TMEM266: variants seen among roughly 807,000 people sequenced by gnomAD.
TMEM266 encodes the protein Hv1 related protein 1.
TMEM266 carries 33 observed loss-of-function variants against 50.5 expected under a neutral mutation model. That is an observed-to-expected ratio of 0.65 (90% confidence interval 0.50 to 0.87). The LOEUF is 0.87. TMEM266 is among the 40% of genes least tolerant of loss of function. The probability of loss-of-function intolerance (pLI) is 0.00; values close to 1 mark genes in which losing one functional copy is unlikely to be tolerated. For synonymous variants in TMEM266, 310 were observed against 292.3 expected (o/e 1.06, Z -0.62); for missense variants, 655 against 695.1 (o/e 0.94, Z 0.65).
At chr15:76,173,874 A>C (rs905165698) in intron 7 of TMEM266, among the ~76,000 whole-genome samples, 3 of 151,656 alleles carry the variant, frequency 2.0e-5, no homozygotes, top group Admixed American at 6.6e-5. Context: ...TAGGGGTTGC[A>C]GTGAGCTGAG....
intron 5 of TMEM266, among the ~76,000 whole-genome samples, chr15:76,164,653 T>C (rs2038065797): frequency 6.6e-6 from 1 of 152,226 alleles, no homozygotes; most frequent in African/African-American, 2.4e-5. Context: ...AGGGAAAATT[T>C]GTCCAAGAGC....
At chr15:76,064,332 C>T (rs923554306) in intron 1 of TMEM266, among the ~76,000 whole-genome samples, 2 of 152,204 alleles carry the variant, frequency 1.3e-5, no homozygotes, top group Non-Finnish European at 2.9e-5. Context: ...CCCCATGTGT[C>T]TGAGAAGCAT....
intron 1 of TMEM266, among the ~76,000 whole-genome samples, chr15:76,130,235 AAAAAAAAAAAAAAAAAAAAC>A (rs1371888382): frequency 3.0e-5 from 4 of 131,816 alleles, no homozygotes; most frequent in South Asian, 3.0e-4. Context: ...AAAAAAAAAA[AAAAAAAAAAAAAAAAAAAAC>A]CGCCGGGTGC....
intron 1 of TMEM266, among the ~76,000 whole-genome samples, chr15:76,124,057 A>G (rs1419858327): frequency 6.6e-6 from 1 of 152,198 alleles, no homozygotes; most frequent in Non-Finnish European, 1.5e-5. Context: ...TAGCACCCCT[A>G]ACTCCCTTGG....
chr15:76,140,510 T>G (rs546694476), intron 3 of TMEM266, among the ~76,000 whole-genome samples: 1 of 152,216 alleles, frequency 6.6e-6, no homozygotes, highest in African/African-American at 2.4e-5. Flanking sequence ...TGTATAGGAA[T>G]GAACCTTTTC....
chr15:76,106,219 C>G (rs1157495661), intron 1 of TMEM266, among the ~76,000 whole-genome samples: 1 of 152,064 alleles, frequency 6.6e-6, no homozygotes, highest in Non-Finnish European at 1.5e-5. Context: ...GTGGGAGAAT[C>G]AAAGATCCGC....
intron 8 of TMEM266, among the ~76,000 whole-genome samples, chr15:76,190,488 G>A (rs2038551714): frequency 6.6e-6 from 1 of 152,100 alleles, no homozygotes; most frequent in South Asian, 2.1e-4. Context: ...CCTGAGTCCT[G>A]TTGGAGTGAT....
chr15:76,184,468 C>G (rs1379892499), intron 8 of TMEM266, among the ~76,000 whole-genome samples: 1 of 152,226 alleles, frequency 6.6e-6, no homozygotes, highest in East Asian at 1.9e-4. Flanking sequence ...TTGCAACTGT[C>G]TCCTGATTTT....
chr15:76,090,616 A>G lies in TMEM266; in HGVS notation c.-97+30600A>G, dbSNP rs529315807. On this transcript the variant is annotated intron_variant, in intron 1 of 10. Coordinates refer to ENST00000388942, the MANE Select transcript of TMEM266 (RefSeq NM_152335.3). Reference sequence around the variant, plus strand: ...TGTCCCAAGAACCAAGGGAACTGAGAGTTTTAAGAATCAGAGGGTTATCAA... The same window carrying G: ...TGTCCCAAGAACCAAGGGAACTGAGGGTTTTAAGAATCAGAGGGTTATCAA... 3.4e-4 allele frequency among the ~76,000 whole-genome samples: 52 copies of G among 152,248 alleles called. 1 individual carries two copies. The highest frequency in any genetic ancestry group is 2.2e-4 in the Non-Finnish European group (15 of 68,020).
chr15:76,191,883 G>T, intron 8 of TMEM266, 85 bp from the exon 9 acceptor site: 34 of 1,244,032 alleles, frequency 2.7e-5, no homozygotes, highest in Non-Finnish European at 3.4e-5. Context: ...CCGCCCCCAT[G>T]CAGGAGCAAA....
At chr15:76,104,284 G>A (rs747635491) in intron 1 of TMEM266, among the ~76,000 whole-genome samples, 1 of 151,998 alleles carries the variant, frequency 6.6e-6, no homozygotes, top group Non-Finnish European at 1.5e-5. Context: ...CACTAGCCAC[G>A]TATGGCTCTT....
intron 1 of TMEM266, among the ~76,000 whole-genome samples, chr15:76,116,040 T>C (rs1178106333): frequency 1.3e-5 from 2 of 152,140 alleles, no homozygotes; most frequent in Admixed American, 6.5e-5. Context: ...TAAAAACTTA[T>C]ACTCTGTTTA....
chr15:76,174,622 G>A (rs1282121874), intron 7 of TMEM266, among the ~76,000 whole-genome samples: 2 of 152,176 alleles, frequency 1.3e-5, no homozygotes, highest in Admixed American at 1.3e-4. Flanking sequence ...ATCTAAGTCT[G>A]GAGTGTTTTC....
At chr15:76,182,610 C>T (rs2038432640) in intron 8 of TMEM266, among the ~76,000 whole-genome samples, 1 of 152,128 alleles carries the variant, frequency 6.6e-6, no homozygotes, top group Non-Finnish European at 1.5e-5. Context: ...TGCCACTGCA[C>T]TCCAGCCTGG....
chr15:76,173,137 G>T (rs2142062276), intron 7 of TMEM266, among the ~76,000 whole-genome samples: 1 of 152,276 alleles, frequency 6.6e-6, no homozygotes, highest in South Asian at 2.1e-4. Context: ...GGCATCTTGG[G>T]GCGGCCTCTG....
intron 7 of TMEM266, among the ~76,000 whole-genome samples, chr15:76,173,111 G>C (rs1429383219): frequency 6.6e-6 from 1 of 152,182 alleles, no homozygotes; most frequent in Non-Finnish European, 1.5e-5. Flanking sequence ...CTTCAGCAGA[G>C]ATTTGAGGAG....
chr15:76,190,598 T>G, intron 8 of TMEM266, among the ~76,000 whole-genome samples: 1 of 149,246 alleles, frequency 6.7e-6, no homozygotes, highest in African/African-American at 2.5e-5. Flanking sequence ...GATGGGATGT[T>G]GGGGTGGGGG....
chr15:76,078,200 T>C (rs536209268), intron 1 of TMEM266, among the ~76,000 whole-genome samples: 3 of 152,074 alleles, frequency 2.0e-5, no homozygotes, highest in Non-Finnish European at 2.9e-5. Context: ...GAAGGGTCAC[T>C]GGGCTTCCCC....
At chr15:76,131,100 G>A (rs1438224422) in intron 1 of TMEM266, among the ~76,000 whole-genome samples, 2 of 152,178 alleles carry the variant, frequency 1.3e-5, no homozygotes, top group Admixed American at 6.6e-5. Context: ...TTTGGGGCTA[G>A]GCATGGTGTC....
Sources: allele counts gnomAD v4.1 joint callset (sites outside exome capture counted in the v4.1 genomes callset), GRCh38; gene constraint gnomAD v4.1.1; transcripts MANE v1.5; gene names NCBI Gene and HGNC (gene_info 2026-07-23, HGNC 2026-07-21).